NBEA: variants seen among roughly 807,000 people sequenced by gnomAD.
The protein encoded by NBEA is lysosomal-trafficking regulator 2.
In NBEA, 44 loss-of-function variants were observed where a neutral mutation model predicts 343.4. The ratio of observed to expected loss-of-function variants is 0.13; its 90% CI spans 0.10 to 0.16. The LOEUF is 0.16. Among genes scored for constraint, NBEA ranks in the 10% least tolerant of loss-of-function variants. The pLI is 1.00. For missense variants in NBEA, 2,555 were observed against 3,631.3 expected (o/e 0.70, Z 7.62); for synonymous variants, 1,175 against 1,238.7 (o/e 0.95, Z 1.08).
At chr13:35,044,825 TATATAGAG>T (rs1454544354) in intron 2 of NBEA, 114 bp from the exon 3 acceptor site, 80 of 517,694 alleles carry the variant, frequency 1.5e-4, no homozygotes, top group African/African-American at 1.5e-3. Flanking sequence ...CATATATATA[TATATAGAG>T]AGAGAGAGAG....
intron 1 of NBEA, among the ~76,000 whole-genome samples, chr13:35,006,112 A>C (rs1034027574): frequency 6.6e-6 from 1 of 152,144 alleles, no homozygotes; most frequent in Non-Finnish European, 1.5e-5. Flanking sequence ...TAGTCTCTTT[A>C]CGTGTAATTA....
At chr13:35,408,679 A>AC in intron 38 of NBEA, among the ~76,000 whole-genome samples, 1 of 294 alleles carries the variant, frequency 3.4e-3, no homozygotes, top group Non-Finnish European at 0.021. Flanking sequence ...CAACCCAATT[A>AC]AAAATGGGAA....
Position 35,010,738 on chromosome 13 carries a change from AAAAATATATAT to A in NBEA, c.295-30193_295-30183del, listed in dbSNP as rs1420699179. On this transcript the variant is annotated intron_variant, in intron 1 of 58. Coordinates refer to ENST00000379939, the MANE Select transcript of NBEA (RefSeq NM_001385012.1). ...GACTGGGTCTCTACAAAAAAAAAAA[AAAAATATATAT>A]ATATATATATATATATATATATATA... 1.6e-3 allele frequency among the ~76,000 whole-genome samples: 50 copies of A among 32,068 alleles called. 2 individuals carry two copies. Among genetic ancestry groups the A allele is most frequent in the Non-Finnish European group, 2.7e-3 (42 of 15,316 alleles). 21.0% of individuals were successfully genotyped at this position (32,068 alleles called of 152,430 possible). A position where few individuals can be genotyped will look rare whatever the true frequency, so the allele number is the denominator to read the frequency against.
chr13:35,666,065 C>A (rs1297894043), intron 56 of NBEA, among the ~76,000 whole-genome samples: 1 of 152,092 alleles, frequency 6.6e-6, no homozygotes, highest in African/African-American at 2.4e-5. Flanking sequence ...CTGAAAGGAG[C>A]CCTGGGTGCT....
At chr13:35,463,459 C>A (rs545729677) in intron 40 of NBEA, among the ~76,000 whole-genome samples, 1 of 151,778 alleles carries the variant, frequency 6.6e-6, no homozygotes, top group Non-Finnish European at 1.5e-5. Context: ...CCCATCCGTA[C>A]GAAAAAATTT....
At position 35,352,181 on chromosome 13, in the gene NBEA, G is replaced by A; in HGVS notation, c.6037G>A (p.Asp2013Asn). The change falls in exon 38 of 59, where the codon GAT (aspartate) becomes AAT (asparagine). Residue 2013 changes from aspartate (D) to asparagine (N), a missense_variant. Asp to Asn is a conservative substitution (Grantham distance 23). This residue lies in a region of NBEA where 246 missense variants were observed against 313.7 expected (regional missense o/e 0.78). Transcript: ENST00000379939. ...FESQCAQYAA[D>N]RREEEKMCDH... ...GTCACAGTGTGCCCAATATGCTGCT[G>A]ATAGAAGAGAGGAAGAAAAGATGTG... 6.6e-7 allele frequency: 1 copy of A among 1,514,974 alleles called. No homozygotes were observed. Among genetic ancestry groups the A allele is most frequent in the East Asian group, 2.5e-5 (1 of 40,592 alleles). The allele number at this position is 1,514,974 out of a possible 1,614,324, so 93.8% of individuals were successfully genotyped here.
intron 41 of NBEA, among the ~76,000 whole-genome samples, chr13:35,515,425 C>G (rs2077446147): frequency 6.6e-6 from 1 of 152,110 alleles, no homozygotes; most frequent in Non-Finnish European, 1.5e-5. Context: ...ATGACTGTTA[C>G]CTTTTGAATG....
chr13:35,208,978 GT>G, intron 32 of NBEA, 124 bp downstream of exon 32: 1 of 825,572 alleles, frequency 1.2e-6, no homozygotes. Flanking sequence ...TTTTAAGAAG[GT>G]TATATTTTAT....
rs780444655 is a variant in NBEA, at chr13:35,168,972, C to T, written c.4234-15C>T. ...CTTTTTGGTCTGTTGTCTGTTTTGT[C>T]TAATGCATGTCCAGGGTTCTAAGGT... On this transcript the variant is annotated splice_polypyrimidine_tract_variant and intron_variant, in intron 24 of 58. Transcript: ENST00000379939. 6.7e-5 allele frequency: 98 copies of T among 1,470,280 alleles called. No homozygotes were observed. The highest frequency in any genetic ancestry group is 8.4e-5 in the Non-Finnish European group (93 of 1,109,950). The allele number at this position is 1,470,280 out of a possible 1,614,324, so 91.1% of individuals were successfully genotyped here.
chr13:35,612,354 G>A lies in NBEA; in HGVS notation c.7449+5776G>A, dbSNP rs564669767. On this transcript the variant is annotated intron_variant, in intron 48 of 58. Transcript: ENST00000379939. Reference sequence around the variant, plus strand: ...TCACCGTGTTAGCCAGAGTGGTCTCGATCTCCTGACCTCATGATCTGCCCA... The same window carrying A: ...TCACCGTGTTAGCCAGAGTGGTCTCAATCTCCTGACCTCATGATCTGCCCA... Among the ~76,000 whole-genome samples, 13 of 152,060 alleles carry A rather than the reference G, an allele frequency of 8.5e-5. No individual in the cohort carries two copies. The South Asian group carries it at 1.7e-3, about 19-fold the overall frequency.
At chr13:35,211,214 T>A (rs1029893961) in intron 33 of NBEA, 35 bp downstream of exon 33, 1 of 1,511,922 alleles carries the variant, frequency 6.6e-7, no homozygotes, top group African/African-American at 1.4e-5. Flanking sequence ...TTTTAACTCT[T>A]TTTAAATGTA....
intron 1 of NBEA, among the ~76,000 whole-genome samples, chr13:35,026,521 A>T (rs996606821): frequency 1.3e-5 from 2 of 152,134 alleles, no homozygotes. Context: ...ACCCATTGCA[A>T]ATCTCATCTT....
intron 7 of NBEA, among the ~76,000 whole-genome samples, chr13:35,057,843 T>TA (rs1566220726): frequency 1.3e-5 from 2 of 152,186 alleles, no homozygotes; most frequent in Non-Finnish European, 2.9e-5. Flanking sequence ...TTTATGCAGT[T>TA]AAAGTTCCCA....
In NBEA at chr13:35,370,342, A is replaced by T. The variant is rs541437300; in HGVS notation, c.6179+18019A>T. On this transcript the variant is annotated intron_variant, in intron 38 of 58. Coordinates refer to ENST00000379939, the MANE Select transcript of NBEA (RefSeq NM_001385012.1). ...ACTTAAAGTCTGTTTTATCTGATAT[A>T]AGTATGGCTACTCCTGCTTATTTTT... Among the ~76,000 whole-genome samples the T allele has an allele frequency of 1.2e-4, 19 of 152,032 alleles. No homozygotes were observed. In the East Asian group the frequency reaches 3.7e-3, roughly 29 times the overall value.
intron 49 of NBEA, among the ~76,000 whole-genome samples, chr13:35,631,638 T>TAAAAAAAAA (rs59333937): frequency 6.6e-4 from 83 of 126,442 alleles, no homozygotes; most frequent in East Asian, 2.4e-3. Context: ...GTCTCCTTTG[T>TAAAAAAAAA]AAAAAAAAAA....
chr13:35,479,094 A>G (rs1477184958), intron 41 of NBEA, among the ~76,000 whole-genome samples: 2 of 152,276 alleles, frequency 1.3e-5, no homozygotes, highest in African/African-American at 2.4e-5. Flanking sequence ...ACTTTGAGAA[A>G]GAAAAATGGA....
intron 38 of NBEA, among the ~76,000 whole-genome samples, chr13:35,415,216 G>A (rs1294084895): frequency 6.6e-6 from 1 of 152,166 alleles, no homozygotes; most frequent in Non-Finnish European, 1.5e-5. Context: ...TTCTTGTGCT[G>A]TGCAGAAGCT....
chr13:35,372,015 T>G (rs2041460339), intron 38 of NBEA, among the ~76,000 whole-genome samples: 1 of 152,220 alleles, frequency 6.6e-6, no homozygotes, highest in Non-Finnish European at 1.5e-5. Context: ...GGGCCAAGTC[T>G]GCCTGTCTTT....
At chr13:35,165,234 A>C (rs941547782) in intron 24 of NBEA, 12 of 438,628 alleles carry the variant, frequency 2.7e-5, no homozygotes, top group Non-Finnish European at 5.1e-5. Flanking sequence ...TTTCATCATT[A>C]ACAAGCTTTT....
Sources: gnomAD v4.1 joint callset for allele counts (sites outside exome capture counted in the v4.1 genomes callset) on GRCh38, gnomAD v4.1.1 for gene constraint, gnomAD v4.1.1 regional missense constraint, MANE v1.5 for transcripts, NCBI Gene and HGNC (gene_info 2026-07-23, HGNC 2026-07-21) for gene names.